The following MAMDC2 variants were observed in gnomAD, a reference collection of about 807,000 sequenced individuals.
The protein encoded by MAMDC2 is MAM domain-containing protein 2.
In MAMDC2, 57 loss-of-function variants were observed where a neutral mutation model predicts 89.8. That is an observed-to-expected ratio of 0.63 (90% confidence interval 0.51 to 0.79). The LOEUF (loss-of-function observed/expected upper bound fraction) is 0.79. Among genes scored for constraint, MAMDC2 ranks in the 30% least tolerant of loss-of-function variants. The pLI is 0.00. For synonymous variants in MAMDC2, 313 were observed against 293.4 expected, an observed-to-expected ratio of 1.07 and a Z score of -0.68; for missense variants, 800 against 820.6, an observed-to-expected ratio of 0.97 and a Z score of 0.31.
chr9:70,180,895 T>G (rs536551455), intron 11 of MAMDC2, among the ~76,000 whole-genome samples: 1 of 152,356 alleles, frequency 6.6e-6, no homozygotes, highest in East Asian at 1.9e-4. Flanking sequence ...TTGCTGCAAT[T>G]GCTTTTGATA....
intron 11 of MAMDC2, among the ~76,000 whole-genome samples, chr9:70,212,334 C>T (rs1694987815): frequency 6.6e-6 from 1 of 152,372 alleles, no homozygotes; most frequent in East Asian, 1.9e-4. Context: ...ATGGCAGATG[C>T]CCCTTCCCCA....
At chr9:70,049,531 C>G (rs1826840461) in intron 2 of MAMDC2, among the ~76,000 whole-genome samples, 1 of 152,116 alleles carries the variant, frequency 6.6e-6, no homozygotes, top group African/African-American at 2.4e-5. Context: ...GATTCAGCAT[C>G]CCACCCTGGC....
Position 70,053,675 on chromosome 9 carries a change from A to G in MAMDC2, c.148+8978A>G, listed in dbSNP as rs143573361. On this transcript the variant is annotated intron_variant, in intron 2 of 13. Coordinates refer to ENST00000377182, the MANE Select transcript of MAMDC2 (RefSeq NM_153267.5). ...GTATAGAGAGCAATATTTGGGCAAG[A>G]GTAATACAGAGATGCAAGGTGTAGG... Among the ~76,000 whole-genome samples the G allele has an allele frequency of 5.8e-3, 887 of 152,334 alleles. 9 individuals are homozygous for G. Among genetic ancestry groups the G allele is most frequent in the Non-Finnish European group, 7.2e-3 (487 of 68,024 alleles).
intron 12 of MAMDC2, among the ~76,000 whole-genome samples, chr9:70,221,502 G>T (rs1342207684): frequency 1.3e-5 from 2 of 150,166 alleles, no homozygotes. Context: ...GGAAGCAGGA[G>T]CAGGGAATGG....
rs543697680 is a variant in MAMDC2, at chr9:70,075,665, C to T, written c.148+30968C>T. On this transcript the variant is annotated intron_variant, in intron 2 of 13. Coordinates refer to ENST00000377182, the MANE Select transcript of MAMDC2 (RefSeq NM_153267.5). ...AACGTGGCAATGTCTACCAAGATTA[C>T]AGATGCATTGGCCCTGGGATGCAGC... is the stretch of plus-strand genomic sequence containing the variant. Among the ~76,000 whole-genome samples the T allele has an allele frequency of 3.3e-5, 5 of 152,336 alleles. No individual in the cohort carries two copies. The East Asian group carries it at 9.7e-4, about 29-fold the overall frequency.
intron 5 of MAMDC2, among the ~76,000 whole-genome samples, chr9:70,124,079 G>T (rs995818993): frequency 2.0e-5 from 3 of 152,220 alleles, no homozygotes; most frequent in Non-Finnish European, 4.4e-5. Context: ...AAAGCCTGCA[G>T]CATGGGGCTG....
At chr9:70,140,370 A>G in intron 8 of MAMDC2, 82 bp downstream of exon 8, 1 of 1,410,342 alleles carries the variant, frequency 7.1e-7, no homozygotes, top group Non-Finnish European at 9.5e-7. Flanking sequence ...ACCTGCAAAG[A>G]CATCGACTTA....
rs71503690 is a variant in MAMDC2 at position 70,116,520 on chromosome 9, C to A, written c.643+3388C>A. 9.1e-3 allele frequency among the ~76,000 whole-genome samples: 1,390 copies of A among 152,122 alleles called. 15 individuals carry two copies. The highest frequency in any genetic ancestry group is 0.016 in the Non-Finnish European group (1,098 of 67,990). On this transcript the variant is annotated intron_variant, in intron 5 of 13. Coordinates refer to ENST00000377182, the MANE Select transcript of MAMDC2 (RefSeq NM_153267.5). ...CTTAGTGTCTCCATTGATGCATCTGCAAATGAGCAATTTGAATTCAATGAT... is the reference window on the plus strand; with the variant it reads ...CTTAGTGTCTCCATTGATGCATCTGAAAATGAGCAATTTGAATTCAATGAT...
Position 70,075,447 on chromosome 9 carries a change from T to G in MAMDC2, c.148+30750T>G, listed in dbSNP as rs532562196. Among the ~76,000 whole-genome samples, 3 of 152,304 alleles carry G rather than the reference T, an allele frequency of 2.0e-5. No individual in the cohort carries two copies. The East Asian group carries it at 5.8e-4, about 29-fold the overall frequency. On this transcript the variant is annotated intron_variant, in intron 2 of 13. Coordinates refer to ENST00000377182, the MANE Select transcript of MAMDC2 (RefSeq NM_153267.5). ...GCTACCAGATCAGAATATCTGCAGG[T>G]GGATTATAAGGATCTTCATTTTAAA...
At chr9:70,116,022 G>C (rs2029970347) in intron 5 of MAMDC2, among the ~76,000 whole-genome samples, 4 of 152,198 alleles carry the variant, frequency 2.6e-5, no homozygotes, top group Admixed American at 2.6e-4. Flanking sequence ...GATCTTGAAA[G>C]GCTGATGCAT....
intron 11 of MAMDC2, among the ~76,000 whole-genome samples, chr9:70,185,157 C>A (rs923210929): frequency 6.6e-6 from 1 of 152,192 alleles, no homozygotes; most frequent in East Asian, 1.9e-4. Context: ...AGGTCTGCTG[C>A]AGTTTGCTGG....
intron 9 of MAMDC2, among the ~76,000 whole-genome samples, chr9:70,151,813 G>A (rs1450548657): frequency 6.6e-6 from 1 of 152,070 alleles, no homozygotes; most frequent in East Asian, 1.9e-4. Context: ...CTAGCTTAAG[G>A]TCCCCCAGAT....
At chr9:70,119,729 T>C (rs1313778823) in intron 5 of MAMDC2, among the ~76,000 whole-genome samples, 2 of 152,256 alleles carry the variant, frequency 1.3e-5, no homozygotes, top group African/African-American at 4.8e-5. Context: ...TGTCTCTTCA[T>C]ACTTCACCTT....
At chr9:70,123,990 C>T (rs763272162) in intron 5 of MAMDC2, among the ~76,000 whole-genome samples, 16 of 152,150 alleles carry the variant, frequency 1.1e-4, no homozygotes, top group Non-Finnish European at 2.2e-4. Context: ...TGACAGCAGC[C>T]CTAGCAAACC....
intron 2 of MAMDC2, among the ~76,000 whole-genome samples, chr9:70,102,861 G>C (rs1274150144): frequency 6.6e-6 from 1 of 152,166 alleles, no homozygotes; most frequent in African/African-American, 2.4e-5. Flanking sequence ...CCAACACTGC[G>C]GTTGGTAAAT....
chr9:70,090,582 A>T (rs1336428716), intron 2 of MAMDC2: 1 of 152,146 alleles, frequency 6.6e-6, no homozygotes, highest in Admixed American at 6.6e-5. Flanking sequence ...AATTGTTTAA[A>T]TATCAAAAAG....
At chr9:70,204,919 C>A (rs904742237) in intron 11 of MAMDC2, among the ~76,000 whole-genome samples, 1 of 152,226 alleles carries the variant, frequency 6.6e-6, no homozygotes, top group South Asian at 2.1e-4. Context: ...TCAGCTCGCG[C>A]ATGGTGCGCA....
At chr9:70,077,389 G>A (rs972018494) in intron 2 of MAMDC2, among the ~76,000 whole-genome samples, 1 of 152,186 alleles carries the variant, frequency 6.6e-6, no homozygotes, top group African/African-American at 2.4e-5. Flanking sequence ...GTCCAATAGA[G>A]CTTTCTGTGA....
chr9:70,164,762 C>T (rs1245403668), intron 9 of MAMDC2, among the ~76,000 whole-genome samples: 2 of 151,762 alleles, frequency 1.3e-5, no homozygotes, highest in African/African-American at 2.4e-5. Flanking sequence ...GAGCTTCCCG[C>T]CTCAGCCTTT....
Sources: gnomAD v4.1 joint callset for allele counts (sites outside exome capture counted in the v4.1 genomes callset) on GRCh38, gnomAD v4.1.1 for gene constraint, MANE v1.5 for transcripts, NCBI Gene and HGNC (gene_info 2026-07-23, HGNC 2026-07-21) for gene names.